WDR7: variants seen among roughly 807,000 people sequenced by gnomAD.
The protein encoded by WDR7 is WD repeat domain 7, also known as WD repeat-containing protein 7.
WDR7 carries 46 observed loss-of-function variants against 169.4 expected under a neutral mutation model. That is an observed-to-expected ratio of 0.27 (90% CI 0.21 to 0.35). The LOEUF (loss-of-function observed/expected upper bound fraction) is 0.35. WDR7 is among the 10% of genes least tolerant of loss of function. WDR7 has a pLI of 1.00. For missense variants in WDR7, 1,534 were observed against 1,859.3 expected (o/e 0.83, Z 3.22); for synonymous variants, 612 against 666.8 (o/e 0.92, Z 1.27).
chr18:56,747,742 G>A (rs2043727876), intron 14 of WDR7, among the ~76,000 whole-genome samples: 1 of 152,168 alleles, frequency 6.6e-6, no homozygotes, highest in African/African-American at 2.4e-5. Flanking sequence ...GCAGATGCAG[G>A]TGGGCATGGC....
At chr18:56,822,125 A>T (rs960312959) in intron 20 of WDR7, among the ~76,000 whole-genome samples, 1 of 152,286 alleles carries the variant, frequency 6.6e-6, no homozygotes, top group Non-Finnish European at 1.5e-5. Context: ...TGTTATTCTA[A>T]ATTTAGACCA....
At chr18:56,785,030 T>TA (rs1025756495) in intron 19 of WDR7, among the ~76,000 whole-genome samples, 2 of 152,214 alleles carry the variant, frequency 1.3e-5, no homozygotes, top group African/African-American at 2.4e-5. Context: ...GACTGAGTGT[T>TA]AAACTCGTTT....
At chr18:56,725,338 T>C (rs1004804894) in intron 13 of WDR7, among the ~76,000 whole-genome samples, 2 of 151,326 alleles carry the variant, frequency 1.3e-5, no homozygotes, top group South Asian at 2.1e-4. Context: ...TTTTAATGAT[T>C]GCCATTCTAA....
chr18:56,678,389 C>T (rs1353080520), intron 2 of WDR7, among the ~76,000 whole-genome samples: 1 of 152,166 alleles, frequency 6.6e-6, no homozygotes, highest in Non-Finnish European at 1.5e-5. Flanking sequence ...TCTTCACTGT[C>T]TGGACTTGTT....
intron 20 of WDR7, among the ~76,000 whole-genome samples, chr18:56,879,240 A>C (rs888536786): frequency 6.6e-6 from 1 of 151,920 alleles, no homozygotes; most frequent in African/African-American, 2.4e-5. Flanking sequence ...ATCATGCCCA[A>C]CAACAAAGCA....
intron 23 of WDR7, chr18:56,936,112 A>G (rs1378732074): frequency 4.1e-6 from 2 of 483,018 alleles, no homozygotes; most frequent in South Asian, 4.1e-5. Context: ...CTGCTTCTGT[A>G]TTCATTTCTG....
intron 2 of WDR7, among the ~76,000 whole-genome samples, chr18:56,677,501 C>T (rs928746652): frequency 6.6e-6 from 1 of 152,110 alleles, no homozygotes; most frequent in African/African-American, 2.4e-5. Flanking sequence ...AGATGTGTGC[C>T]ACCCCACCTG....
chr18:56,970,672 A>G (rs2047471404), intron 26 of WDR7, among the ~76,000 whole-genome samples: 2 of 152,090 alleles, frequency 1.3e-5, no homozygotes, highest in African/African-American at 2.4e-5. Context: ...TTATACTGAC[A>G]CATTGTCACC....
Position 56,691,820 on chromosome 18 carries a change from A to G in WDR7, c.966+3A>G. The G allele has an allele frequency of 6.3e-7, 1 of 1,597,478 alleles. No individual in the cohort carries two copies. The highest frequency in any genetic ancestry group is 8.5e-7 in the Non-Finnish European group (1 of 1,171,224). ...TCTTGGATCGAAAAGATAAAGAGGTAAAATTCTTGAGGTGTCATTTATAAT... is the reference window on the plus strand; with the variant it reads ...TCTTGGATCGAAAAGATAAAGAGGTGAAATTCTTGAGGTGTCATTTATAAT... On this transcript the variant is annotated splice_donor_region_variant and intron_variant, in intron 9 of 27. Transcript: ENST00000254442.
At chr18:56,931,215 G>C (rs766930315) in intron 22 of WDR7, among the ~76,000 whole-genome samples, 7 of 152,184 alleles carry the variant, frequency 4.6e-5, no homozygotes, top group Admixed American at 6.5e-5. Context: ...GGTGGGATCA[G>C]ATGACACAAA....
chr18:56,960,785 T>C (rs1178513129), intron 25 of WDR7, among the ~76,000 whole-genome samples: 2 of 152,150 alleles, frequency 1.3e-5, no homozygotes, highest in Non-Finnish European at 2.9e-5. Flanking sequence ...AGAGTAATAT[T>C]CTTTGGACAA....
At chr18:57,008,484 C>T (rs2048096153) in intron 26 of WDR7, among the ~76,000 whole-genome samples, 1 of 152,316 alleles carries the variant, frequency 6.6e-6, no homozygotes, top group East Asian at 1.9e-4. Flanking sequence ...GTCTCCACCT[C>T]TCCTCGCCCC....
At chr18:56,781,505 G>C in intron 18 of WDR7, 28 bp from the exon 19 acceptor site, 1 of 1,551,626 alleles carries the variant, frequency 6.4e-7, no homozygotes, top group Non-Finnish European at 8.7e-7. Flanking sequence ...TCTGCTTTCT[G>C]CTTTTACATT....
At chr18:56,815,849 C>G (rs561669614) in intron 19 of WDR7, among the ~76,000 whole-genome samples, 182 bp from the exon 20 acceptor site, 1 of 152,230 alleles carries the variant, frequency 6.6e-6, no homozygotes, top group East Asian at 1.9e-4. Context: ...TATATACATG[C>G]AAATAAATAG....
chr18:56,984,123 C>G (rs539707443), intron 26 of WDR7, among the ~76,000 whole-genome samples: 1 of 152,152 alleles, frequency 6.6e-6, no homozygotes, highest in South Asian at 2.1e-4. Flanking sequence ...AAAATTTTCA[C>G]TGTCCTATTT....
intron 14 of WDR7, among the ~76,000 whole-genome samples, chr18:56,736,196 G>A (rs1441066500): frequency 5.3e-5 from 8 of 152,048 alleles, no homozygotes; most frequent in Non-Finnish European, 7.4e-5. Context: ...GATCAGACAT[G>A]TGCTTCCCTC....
At chr18:56,898,561 T>A (rs1243754789) in intron 21 of WDR7, among the ~76,000 whole-genome samples, 1 of 152,122 alleles carries the variant, frequency 6.6e-6, no homozygotes, top group Non-Finnish European at 1.5e-5. Context: ...CTTGGAATGA[T>A]ACACTTGCAA....
At chr18:56,653,473 C>G (rs2024700328) in intron 1 of WDR7, among the ~76,000 whole-genome samples, 2 of 152,190 alleles carry the variant, frequency 1.3e-5, no homozygotes, top group Admixed American at 1.3e-4. Context: ...TCCCAAAGTG[C>G]TGGGATTACA....
intron 19 of WDR7, among the ~76,000 whole-genome samples, chr18:56,796,460 G>A (rs754928356): frequency 4.6e-5 from 7 of 152,116 alleles, no homozygotes; most frequent in African/African-American, 7.2e-5. Context: ...TTTCAAACTC[G>A]TCATGTTTAG....
Sources: gnomAD v4.1 joint callset for allele counts (sites outside exome capture counted in the v4.1 genomes callset) on GRCh38, gnomAD v4.1.1 for gene constraint, MANE v1.5 for transcripts, NCBI Gene and HGNC (gene_info 2026-07-23, HGNC 2026-07-21) for gene names.